The following ZNF254 variants were observed in gnomAD, a reference collection of about 807,000 sequenced individuals.
ZNF254 encodes CTD-2017D11.1.
A neutral mutation model predicts 12.4 loss-of-function variants in ZNF254; 10 were observed. The ratio of observed to expected loss-of-function variants is 0.80; its 90% confidence interval spans 0.50 to 1.36. The LOEUF is 1.36. ZNF254 is among the 40% of genes most tolerant of loss of function. The pLI, the probability that ZNF254 is intolerant of heterozygous loss-of-function variation, is 0.00. For missense variants in ZNF254, 996 were observed against 763.9 expected (o/e 1.30, Z -3.58); for synonymous variants, 305 against 253.4 (o/e 1.20, Z -1.93).
At chr19:24,078,363 A>G (rs1971733934) in intron 2 of ZNF254, 1 of 152,110 alleles carries the variant, frequency 6.6e-6, no homozygotes, top group African/African-American at 2.4e-5. Context: ...CTCACCCATT[A>G]TTTCTTTATT....
At chr19:24,103,860 G>A (rs889776431) in intron 1 of ZNF254, 6 of 152,254 alleles carry the variant, frequency 3.9e-5, no homozygotes, top group South Asian at 2.1e-4. Context: ...GAGTAGCTGC[G>A]ATTACAGGTG....
chr19:24,107,153 G>C lies in ZNF254; in HGVS notation c.253+510G>C. 3.4e-6 allele frequency: 2 copies of C among 588,676 alleles called. 1 individual carries two copies. The highest frequency in any genetic ancestry group is 6.0e-6 in the Non-Finnish European group (2 of 335,286). The allele number at this position is 588,676 out of a possible 1,614,324, so 36.5% of individuals were successfully genotyped here. A position where few individuals can be genotyped will look rare whatever the true frequency, so the allele number is the denominator to read the frequency against. On this transcript the variant is annotated intron_variant, in intron 3 of 3. Coordinates refer to ENST00000357002, the MANE Select transcript of ZNF254 (RefSeq NM_203282.4). Reference sequence around the variant, plus strand: ...ACAAAGTAGGATGTCCTTCTGCTTTGTTCTTTTTCCTCAAGATTGCTTTGA... The same window carrying C: ...ACAAAGTAGGATGTCCTTCTGCTTTCTTCTTTTTCCTCAAGATTGCTTTGA...
Position 24,128,009 on chromosome 19 carries a change from C to A in ZNF254, c.*29C>A, listed in dbSNP as rs1975023573. The A allele has an allele frequency of 2.0e-6, 3 of 1,513,098 alleles. No homozygotes were observed. The highest frequency in any genetic ancestry group is 2.6e-6 in the Non-Finnish European group (3 of 1,137,520). The allele number at this position is 1,513,098 out of a possible 1,614,324, so 93.7% of individuals were successfully genotyped here. Reference sequence around the variant, plus strand: ...ATGTGCCAAAGCCTAAGAAAACCCTCAATTCTTAATAGATATAAGATTATT... The same window carrying A: ...ATGTGCCAAAGCCTAAGAAAACCCTAAATTCTTAATAGATATAAGATTATT... On this transcript the variant is annotated 3_prime_UTR_variant, in exon 4 of 4. Coordinates refer to ENST00000357002, the MANE Select transcript of ZNF254 (RefSeq NM_203282.4).
At chr19:24,096,734 CTGTT>C (rs1167121094) in intron 1 of ZNF254, among the ~76,000 whole-genome samples, 2 of 152,162 alleles carry the variant, frequency 1.3e-5, no homozygotes, top group African/African-American at 2.4e-5. Flanking sequence ...CTTCAGTTAT[CTGTT>C]TGTTAGTGCC....
At chr19:24,041,741 C>G (rs962210810) in intron 1 of ZNF254, among the ~76,000 whole-genome samples, 2 of 152,260 alleles carry the variant, frequency 1.3e-5, no homozygotes, top group Non-Finnish European at 2.9e-5. Flanking sequence ...CCTGCAGCCC[C>G]GGTGCGGGAT....
At chr19:24,112,447 C>A (rs1361458226) in intron 3 of ZNF254, among the ~76,000 whole-genome samples, 3 of 147,316 alleles carry the variant, frequency 2.0e-5, no homozygotes, top group Non-Finnish European at 4.5e-5. Flanking sequence ...TTTTTTGGTT[C>A]CATATGAACT....
intron 2 of ZNF254, among the ~76,000 whole-genome samples, chr19:24,053,144 G>A (rs539811447): frequency 6.6e-6 from 1 of 152,208 alleles, no homozygotes; most frequent in East Asian, 1.9e-4. Flanking sequence ...TAAATCTCAT[G>A]TTAATTCGAT....
At chr19:24,044,276 C>T (rs970908963) in intron 1 of ZNF254, among the ~76,000 whole-genome samples, 9 of 151,324 alleles carry the variant, frequency 5.9e-5, no homozygotes, top group East Asian at 3.9e-4. Flanking sequence ...CGGTGGCTCA[C>T]GCCTATAATC....
At chr19:24,078,150 G>A (rs1971724598) in intron 2 of ZNF254, among the ~76,000 whole-genome samples, 1 of 152,130 alleles carries the variant, frequency 6.6e-6, no homozygotes. Context: ...TGATTCTCCT[G>A]CTTCAGCCTC....
In ZNF254 at chr19:24,126,759, T is replaced by C. The variant is rs73021451; in HGVS notation, c.759T>C (p.Leu253=). ...YNKSPKQLST[L]TTHEIIHAGE... ...AATCTCCTAAGCAACTCTCAACCCTTACTACACATGAAATAATTCATGCTG... is the reference window on the plus strand; with the variant it reads ...AATCTCCTAAGCAACTCTCAACCCTCACTACACATGAAATAATTCATGCTG... The change falls in exon 4 of 4, where the codon CTT becomes CTC. Residue 253 remains leucine (L), a synonymous_variant. Coordinates refer to ENST00000357002, the MANE Select transcript of ZNF254 (RefSeq NM_203282.4). 16,180 of 1,613,346 alleles carry C rather than the reference T, an allele frequency of 0.01. 87 individuals carry two copies. Among genetic ancestry groups the C allele is most frequent in the Non-Finnish European group, 0.012 (14,435 of 1,179,756 alleles).
chr19:24,119,075 A>C (rs978454860), intron 3 of ZNF254, among the ~76,000 whole-genome samples: 1 of 152,216 alleles, frequency 6.6e-6, no homozygotes, highest in South Asian at 2.1e-4. Context: ...GCATGCCACC[A>C]CATTCCATCC....
intron 1 of ZNF254, among the ~76,000 whole-genome samples, chr19:24,044,918 A>G (rs1039897584): frequency 6.6e-6 from 1 of 152,230 alleles, no homozygotes; most frequent in Non-Finnish European, 1.5e-5. Flanking sequence ...CAGAATATGT[A>G]TAGAGATTTG....
At chr19:24,097,318 G>A (rs1370387631) in intron 1 of ZNF254, among the ~76,000 whole-genome samples, 3 of 152,034 alleles carry the variant, frequency 2.0e-5, no homozygotes, top group Admixed American at 6.5e-5. Flanking sequence ...GAATTATAAA[G>A]ATTAAAAGAT....
rs539123462 is a variant in ZNF254 at position 24,126,877 on chromosome 19, C to A, written c.877C>A (p.Pro293Thr). The A allele has an allele frequency of 1.5e-5, 24 of 1,613,364 alleles. No homozygotes were observed. The highest frequency in any genetic ancestry group is 2.0e-5 in the Non-Finnish European group (24 of 1,179,760). Residue 293 changes from proline to threonine, a missense_variant, in exon 4 of 4, where the codon CCT becomes ACT. By Grantham distance (38) the Pro-to-Thr change is conservative. Coordinates refer to ENST00000357002, the MANE Select transcript of ZNF254 (RefSeq NM_203282.4). ...THKIIHTGEK[P>T]YKCEECGKAF... is the part of the protein sequence containing the mutation. ...TAAGATAATTCATACTGGAGAGAAA[C>A]CTTACAAGTGTGAAGAATGTGGCAA...
At chr19:24,080,938 G>A (rs931610690) in intron 2 of ZNF254, among the ~76,000 whole-genome samples, 4 of 151,862 alleles carry the variant, frequency 2.6e-5, no homozygotes, top group African/African-American at 7.2e-5. Context: ...TTAGCTGGGC[G>A]TGGTGGCACA....
intron 1 of ZNF254, among the ~76,000 whole-genome samples, chr19:24,088,892 A>G (rs1205354520): frequency 6.6e-6 from 1 of 151,524 alleles, no homozygotes; most frequent in Non-Finnish European, 1.5e-5. Context: ...CCTAGCCTCA[A>G]GCGATCCGCC....
At chr19:24,081,944 G>A (rs897795884) in intron 2 of ZNF254, among the ~76,000 whole-genome samples, 15 of 152,060 alleles carry the variant, frequency 9.9e-5, no homozygotes, top group South Asian at 2.1e-4. Flanking sequence ...CTAACATGGC[G>A]AAACCCCGTC....
chr19:24,067,550 C>T (rs1971321918), intron 2 of ZNF254, among the ~76,000 whole-genome samples: 2 of 151,962 alleles, frequency 1.3e-5, no homozygotes, highest in Admixed American at 1.3e-4. Flanking sequence ...TTATCTGACT[C>T]CTGTTTTCTT....
chr19:24,036,282 C>A (rs1969964992), intron 1 of ZNF254, among the ~76,000 whole-genome samples: 1 of 151,808 alleles, frequency 6.6e-6, no homozygotes, highest in South Asian at 2.1e-4. Flanking sequence ...TGGTCTTGAT[C>A]TCCTGATCTT....
Sources: allele counts gnomAD v4.1 joint callset (sites outside exome capture counted in the v4.1 genomes callset), GRCh38; gene constraint gnomAD v4.1.1; transcripts MANE v1.5; gene names NCBI Gene and HGNC (gene_info 2026-07-23, HGNC 2026-07-21).